PHACTR1: variants seen among roughly 807,000 people sequenced by gnomAD.
PHACTR1 encodes the protein phosphatase and actin regulator 1.
A neutral mutation model predicts 69.2 loss-of-function variants in PHACTR1; 16 were observed. The observed-to-expected ratio is 0.23, with a 90% CI of 0.16 to 0.35. The LOEUF (loss-of-function observed/expected upper bound fraction) is 0.35, where lower values mean the gene tolerates loss of function less well. Ranked by LOEUF, PHACTR1 falls within the 10% of genes least tolerant of loss-of-function variation. The probability of loss-of-function intolerance (pLI) is 1.00; values close to 1 mark genes in which losing one functional copy is unlikely to be tolerated. For synonymous variants in PHACTR1, 312 were observed against 284.5 expected (o/e 1.10, Z -0.97); for missense variants, 510 against 734.7 (o/e 0.69, Z 3.54).
chr6:13,134,171 C>A (rs945311603), intron 5 of PHACTR1, among the ~76,000 whole-genome samples: 3 of 150,908 alleles, frequency 2.0e-5, no homozygotes, highest in African/African-American at 7.3e-5. Flanking sequence ...GGGGGCAGCC[C>A]CCGCCCGGCC....
Position 13,053,510 on chromosome 6 carries a change from G to T in PHACTR1, c.396G>T (p.Lys132Asn). Residue 132 changes from lysine (K) to asparagine (N), a missense_variant, in exon 5 of 15, where the codon AAG becomes AAT. Lys to Asn is a moderately conservative substitution (Grantham distance 94, BLOSUM62 0). Transcript: ENST00000332995. ...AATGGAGGAAGAAGAAAAGCGAAAA[G>T]TTCAAACACACGTCAGCAGGTAAGA... is the stretch of plus-strand genomic sequence containing the variant. ...PWKWRKKKSE[K>N]FKHTSAALER... 1 of 1,613,662 alleles carries T rather than the reference G, an allele frequency of 6.2e-7. No individual in the cohort carries two copies. The highest frequency in any genetic ancestry group is 1.1e-5 in the South Asian group (1 of 90,984).
intron 4 of PHACTR1, among the ~76,000 whole-genome samples, chr6:12,818,738 A>G (rs1010228136): frequency 6.6e-6 from 1 of 152,254 alleles, no homozygotes; most frequent in Non-Finnish European, 1.5e-5. Context: ...CTTAGAATAC[A>G]GAGTCATCAT....
intron 5 of PHACTR1, among the ~76,000 whole-genome samples, chr6:13,083,855 T>C (rs1425318344): frequency 6.6e-6 from 1 of 152,144 alleles, no homozygotes; most frequent in Non-Finnish European, 1.5e-5. Flanking sequence ...GCTGAGATGA[T>C]GGGGTTTTCT....
chr6:13,164,648 A>G (rs961329899), intron 6 of PHACTR1, among the ~76,000 whole-genome samples: 6 of 152,188 alleles, frequency 3.9e-5, no homozygotes, highest in African/African-American at 9.7e-5. Flanking sequence ...TTTTTACATT[A>G]TTGATTTTGC....
At chr6:12,758,222 A>T (rs966062014) in intron 4 of PHACTR1, among the ~76,000 whole-genome samples, 2 of 152,130 alleles carry the variant, frequency 1.3e-5, no homozygotes, top group Non-Finnish European at 2.9e-5. Flanking sequence ...AGGCAGGCAG[A>T]TTACAAGGTC....
At chr6:12,915,244 G>A (rs1359925830) in intron 4 of PHACTR1, among the ~76,000 whole-genome samples, 6 of 152,054 alleles carry the variant, frequency 3.9e-5, no homozygotes, top group African/African-American at 9.7e-5. Flanking sequence ...AGTGGCTCAC[G>A]CCTGTAATCC....
chr6:12,861,298 A>G (rs1475970460), intron 4 of PHACTR1, among the ~76,000 whole-genome samples: 1 of 152,212 alleles, frequency 6.6e-6, no homozygotes, highest in Non-Finnish European at 1.5e-5. Flanking sequence ...TCAGAAGACA[A>G]AAGGGAGGTT....
chr6:13,157,576 A>G (rs1243177604), intron 5 of PHACTR1, among the ~76,000 whole-genome samples: 1 of 152,248 alleles, frequency 6.6e-6, no homozygotes, highest in Non-Finnish European at 1.5e-5. Flanking sequence ...TTAATAGCTC[A>G]GGATCTTGGA....
At chr6:12,890,926 C>G (rs1260465202) in intron 4 of PHACTR1, among the ~76,000 whole-genome samples, 1 of 152,148 alleles carries the variant, frequency 6.6e-6, no homozygotes, top group East Asian at 1.9e-4. Flanking sequence ...ATACCTTTGT[C>G]TATTTTGTTC....
intron 3 of PHACTR1, among the ~76,000 whole-genome samples, chr6:12,731,707 C>T (rs551267759): frequency 3.9e-5 from 6 of 152,268 alleles, no homozygotes; most frequent in Admixed American, 3.9e-4. Flanking sequence ...CAAGTGACTT[C>T]CCAAGGTCAC....
chr6:12,750,911 T>G (rs1766537277), intron 4 of PHACTR1, among the ~76,000 whole-genome samples: 1 of 152,232 alleles, frequency 6.6e-6, no homozygotes, highest in Admixed American at 6.5e-5. Flanking sequence ...AAATAAGTTA[T>G]AAAGCAGATG....
intron 4 of PHACTR1, among the ~76,000 whole-genome samples, chr6:12,919,407 C>T (rs559427633): frequency 6.6e-6 from 1 of 152,144 alleles, no homozygotes; most frequent in Non-Finnish European, 1.5e-5. Context: ...TCCCAAAGTG[C>T]TGGGAGTACA....
intron 4 of PHACTR1, among the ~76,000 whole-genome samples, chr6:12,791,730 G>C (rs1772303108): frequency 6.6e-6 from 1 of 152,154 alleles, no homozygotes; most frequent in Non-Finnish European, 1.5e-5. Context: ...GAATAGCACA[G>C]TTCCACCACA....
intron 5 of PHACTR1, among the ~76,000 whole-genome samples, chr6:13,093,625 T>C (rs776052660): frequency 6.6e-6 from 1 of 152,238 alleles, no homozygotes; most frequent in South Asian, 2.1e-4. Context: ...GACTGATAAC[T>C]GGGCCTCCTT....
At chr6:13,001,230 G>T (rs1002841226) in intron 4 of PHACTR1, among the ~76,000 whole-genome samples, 2 of 152,166 alleles carry the variant, frequency 1.3e-5, no homozygotes, top group Non-Finnish European at 2.9e-5. Context: ...AATGAAAGAG[G>T]TTGTTACTTT....
chr6:13,196,752 G>A (rs1764496410), intron 7 of PHACTR1, among the ~76,000 whole-genome samples: 1 of 152,178 alleles, frequency 6.6e-6, no homozygotes, highest in Admixed American at 6.5e-5. Flanking sequence ...ATGTAGTGCG[G>A]TGTGCATCAG....
chr6:12,775,260 A>G (rs1157673970), intron 4 of PHACTR1, among the ~76,000 whole-genome samples: 1 of 150,854 alleles, frequency 6.6e-6, no homozygotes, highest in Non-Finnish European at 1.5e-5. Flanking sequence ...TCAATGTTCT[A>G]CTCTCAAAAA....
intron 10 of PHACTR1, among the ~76,000 whole-genome samples, chr6:13,254,524 T>C (rs1285454529): frequency 6.6e-6 from 1 of 152,234 alleles, no homozygotes; most frequent in East Asian, 1.9e-4. Context: ...AAGTGTCTCC[T>C]TCCTCTTTGG....
rs1422215793 is a variant in PHACTR1 at position 13,051,586 on chromosome 6, G to A, written c.251-1779G>A. On this transcript the variant is annotated intron_variant, in intron 4 of 14. Coordinates refer to ENST00000332995, the MANE Select transcript of PHACTR1 (RefSeq NM_030948.6). The stretch of plus-strand genomic sequence containing the variant: ...CTTCAGCCCTCTCTATTCCTGTTGG[G>A]TCTGTTTCTCCTCCCAGGGATCCGC... Among the ~76,000 whole-genome samples the A allele has an allele frequency of 3.3e-5, 5 of 152,180 alleles. No homozygotes were observed. In the East Asian group the frequency reaches 9.7e-4, roughly 29 times the overall value.
Sources: allele counts gnomAD v4.1 joint callset (sites outside exome capture counted in the v4.1 genomes callset), GRCh38; gene constraint gnomAD v4.1.1; transcripts MANE v1.5; gene names NCBI Gene and HGNC (gene_info 2026-07-23, HGNC 2026-07-21).